Variants in TIAM2 observed in about 807,000 individuals in gnomAD.
TIAM2 encodes the protein TIAM Rac1 associated GEF 2.
In TIAM2, 80 loss-of-function variants were observed where a neutral mutation model predicts 152.9. The observed-to-expected ratio is 0.52, with a 90% CI of 0.44 to 0.63. The LOEUF (loss-of-function observed/expected upper bound fraction) is 0.63. Ranked by LOEUF, TIAM2 falls within the 30% of genes least tolerant of loss-of-function variation. TIAM2 has a pLI of 0.00. For missense variants in TIAM2, 1,965 were observed against 2,120.1 expected (o/e 0.93, Z 1.44); for synonymous variants, 804 against 838.0 (o/e 0.96, Z 0.70).
intron 2 of TIAM2, among the ~76,000 whole-genome samples, chr6:155,113,760 C>T (rs1412392355): frequency 4.6e-5 from 7 of 151,860 alleles, no homozygotes; most frequent in Non-Finnish European, 7.4e-5. Context: ...GTTCATCTCT[C>T]TCCACTTTAG....
intron 14 of TIAM2, among the ~76,000 whole-genome samples, chr6:155,202,449 C>T (rs574155103): frequency 3.3e-5 from 5 of 152,174 alleles, no homozygotes; most frequent in Non-Finnish European, 7.3e-5. Context: ...AGCAAGGTCT[C>T]ACTCTGTCGC....
rs185577220 is a variant in TIAM2, at chr6:155,144,299, C to T, written c.1631-307C>T. Reference sequence around the variant, plus strand: ...AGTAGAATGGGCTAAATAACCCTGCCCACCTTAGGGCCTCTATGGGGATTA... The same window carrying T: ...AGTAGAATGGGCTAAATAACCCTGCTCACCTTAGGGCCTCTATGGGGATTA... On this transcript the variant is annotated intron_variant, in intron 5 of 26. Transcript: ENST00000682666. Among the ~76,000 whole-genome samples the T allele has an allele frequency of 3.1e-3, 470 of 152,272 alleles. 5 individuals are homozygous for T. The highest frequency in any genetic ancestry group is 0.011 in the African/African-American group (451 of 41,562).
chr6:155,104,706 G>A (rs111875293), intron 2 of TIAM2, among the ~76,000 whole-genome samples: 96 of 149,164 alleles, frequency 6.4e-4, no homozygotes, highest in African/African-American at 2.3e-3. Context: ...GCCGTGAGCC[G>A]AGATCGTGCC....
At chr6:155,161,708 C>T (rs1396867651) in intron 7 of TIAM2, among the ~76,000 whole-genome samples, 2 of 150,740 alleles carry the variant, frequency 1.3e-5, no homozygotes, top group Non-Finnish European at 2.9e-5. Context: ...GCTGGGATTA[C>T]AGGCGTGTGC....
rs367642884 is a variant in TIAM2 at position 155,177,029 on chromosome 6, G to A, written c.2523+52G>A. 2.4e-5 allele frequency: 37 copies of A among 1,562,096 alleles called. No individual in the cohort carries two copies. In the African/African-American group the frequency reaches 4.5e-4, roughly 19 times the overall value. Reference sequence around the variant, plus strand: ...TTTCTGAATAGAAATAATCATTAATGTTGCAATCTTATGCCTTCTAAATTC... The same window carrying A: ...TTTCTGAATAGAAATAATCATTAATATTGCAATCTTATGCCTTCTAAATTC... On this transcript the variant is annotated intron_variant, in intron 10 of 26. Coordinates refer to ENST00000682666, the MANE Select transcript of TIAM2 (RefSeq NM_012454.4).
intron 2 of TIAM2, among the ~76,000 whole-genome samples, chr6:155,117,028 G>T (rs1476429123): frequency 6.6e-6 from 1 of 151,246 alleles, no homozygotes; most frequent in Non-Finnish European, 1.5e-5. Context: ...AAAGGGCAGA[G>T]TGGGACTGAA....
intron 14 of TIAM2, among the ~76,000 whole-genome samples, chr6:155,185,577 G>A (rs1425358827): frequency 2.0e-5 from 3 of 151,760 alleles, no homozygotes; most frequent in African/African-American, 4.8e-5. Context: ...TCCTGGATCT[G>A]TTAAATAGCT....
rs1299355180 is a variant in TIAM2 at position 155,137,585 on chromosome 6, T to C, written c.1603T>C (p.Trp535Arg). Reference protein sequence around the residue: ...RKLELVARRKWKQYWVTLKGC... With the variant: ...RKLELVARRKRKQYWVTLKGC... ...GCTTGAGCTGGTGGCACGAAGGAAA[T>C]GGAAACAGTACTGGGTAACGCTGAA... Residue 535 changes from tryptophan (W) to arginine (R), a missense_variant, in exon 5 of 27, where the codon TGG becomes CGG. Around this residue, in one of 3 missense-constraint regions of TIAM2, gnomAD observed 1,025 missense variants for 1,119.4 expected, o/e 0.92. Coordinates refer to ENST00000682666, the MANE Select transcript of TIAM2 (RefSeq NM_012454.4). 2 of 1,604,918 alleles carry C rather than the reference T, an allele frequency of 1.2e-6. No individual in the cohort carries two copies. The highest frequency in any genetic ancestry group is 1.7e-6 in the Non-Finnish European group (2 of 1,178,818).
At chr6:155,193,980 G>T (rs1652100510) in intron 14 of TIAM2, among the ~76,000 whole-genome samples, 1 of 152,190 alleles carries the variant, frequency 6.6e-6, no homozygotes, top group Non-Finnish European at 1.5e-5. Flanking sequence ...TGGACTCCCT[G>T]GAAGGGTCTT....
chr6:155,178,165 T>TAAAAAAAAAA (rs557378875), intron 10 of TIAM2, among the ~76,000 whole-genome samples: 1 of 83,284 alleles, frequency 1.2e-5, no homozygotes, highest in African/African-American at 4.2e-5. Flanking sequence ...CGTCTCAAAT[T>TAAAAAAAAAA]AAAAAAAAAA....
At position 155,179,366 on chromosome 6, in the gene TIAM2, C is replaced by T; in HGVS notation, c.2629-12C>T. The T allele has an allele frequency of 6.2e-7, 1 of 1,612,922 alleles. No homozygotes were observed. The highest frequency in any genetic ancestry group is 8.5e-7 in the Non-Finnish European group (1 of 1,179,624). On this transcript the variant is annotated splice_polypyrimidine_tract_variant and intron_variant, in intron 11 of 26. Transcript: ENST00000682666. ...TGAGATCCTCTGATTTTGTTGTTTT[C>T]ACCTTTTGCAGGTTTATGATGAAAT...
At chr6:155,131,551 TTGA>T (rs747817126) in intron 4 of TIAM2, among the ~76,000 whole-genome samples, 87 of 152,216 alleles carry the variant, frequency 5.7e-4, no homozygotes, top group South Asian at 2.1e-3. Context: ...AAAAAAAAAG[TTGA>T]TGATATATCT....
At chr6:155,193,774 G>A (rs1478105459) in intron 14 of TIAM2, among the ~76,000 whole-genome samples, 1 of 152,230 alleles carries the variant, frequency 6.6e-6, no homozygotes. Flanking sequence ...ACATTCTTAA[G>A]TGAAACTGGC....
chr6:155,211,109 T>C (rs1249707522), intron 14 of TIAM2, 95 bp from the exon 15 acceptor site: 34 of 1,121,528 alleles, frequency 3.0e-5, no homozygotes, highest in Non-Finnish European at 4.4e-5. Context: ...TAGGTTGTTT[T>C]CTTCTTTCCT....
chr6:154,995,320 TA>T lies in TIAM2; in HGVS notation c.-379del, dbSNP rs1405766075. ...GCTGCGCGCGGGGCTGGGGCAGCGG[TA>T]ACCGTAACTGTGGCCGCGGCCGCCG... On this transcript the variant is annotated 5_prime_UTR_variant, in exon 1 of 27. Coordinates refer to ENST00000682666, the MANE Select transcript of TIAM2 (RefSeq NM_012454.4). This position sits in a 1 kb window ranked among gnomAD's most constrained non-coding sequence, Gnocchi z 5.2. 1 of 150,270 alleles carries T rather than the reference TA, an allele frequency of 6.7e-6. No individual in the cohort carries two copies. Among genetic ancestry groups the T allele is most frequent in the East Asian group, 2.0e-4 (1 of 5,002 alleles). 9.3% of individuals were successfully genotyped at this position (150,270 alleles called of 1,614,324 possible). A position where few individuals can be genotyped will look rare whatever the true frequency, so the allele number is the denominator to read the frequency against.
At chr6:155,029,443 C>CTATATTATATAA (rs1313594614) in intron 1 of TIAM2, among the ~76,000 whole-genome samples, 1 of 6,646 alleles carries the variant, frequency 1.5e-4, no homozygotes, top group Non-Finnish European at 2.9e-4. Flanking sequence ...ATATATTATA[C>CTATATTATATAA]TATAGTATAT....
intron 14 of TIAM2, among the ~76,000 whole-genome samples, chr6:155,201,978 G>A (rs184694336): frequency 5.9e-5 from 9 of 152,250 alleles, no homozygotes; most frequent in African/African-American, 2.2e-4. Flanking sequence ...TTCTTTGCAA[G>A]CTTAACAATA....
chr6:155,160,432 A>T (rs999402810), intron 7 of TIAM2, among the ~76,000 whole-genome samples: 45 of 152,154 alleles, frequency 3.0e-4, no homozygotes, highest in African/African-American at 1.0e-3. Context: ...TTAAATGTTA[A>T]TATCTCCCAG....
At chr6:155,111,973 C>T (rs1231512898) in intron 2 of TIAM2, among the ~76,000 whole-genome samples, 1 of 152,182 alleles carries the variant, frequency 6.6e-6, no homozygotes, top group East Asian at 1.9e-4. Context: ...GTCCTGTTCA[C>T]AGGGACCTGC....
Sources: gnomAD v4.1 joint callset for allele counts (sites outside exome capture counted in the v4.1 genomes callset) on GRCh38, gnomAD v4.1.1 for gene constraint, gnomAD v4.1.1 regional missense constraint, Gnocchi (gnomAD v3.1) non-coding constraint, MANE v1.5 for transcripts, NCBI Gene and HGNC (gene_info 2026-07-23, HGNC 2026-07-21) for gene names.